Variants in DNAH17 observed in about 807,000 individuals in gnomAD.
DNAH17 encodes axonemal beta dynein heavy chain 17.
Under a neutral mutation model 485.6 loss-of-function variants are expected in DNAH17, and 376 were observed. The observed-to-expected ratio is 0.77, with a 90% CI of 0.71 to 0.84. The LOEUF is 0.84. DNAH17 is among the 40% of genes least tolerant of loss of function. The pLI, the probability that DNAH17 is intolerant of heterozygous loss-of-function variation, is 0.00. For missense variants in DNAH17, 6,370 were observed against 5,839.3 expected (o/e 1.09, Z -2.96); for synonymous variants, 3,031 against 2,405.9 (o/e 1.26, Z -7.60).
intron 54 of DNAH17, among the ~76,000 whole-genome samples, chr17:78,473,263 G>A (rs1421363650): frequency 6.6e-6 from 1 of 152,162 alleles, no homozygotes; most frequent in Non-Finnish European, 1.5e-5. Context: ...TGACAGTGAT[G>A]GCCGGGCGCA....
intron 58 of DNAH17, among the ~76,000 whole-genome samples, chr17:78,460,750 C>G (rs2088078410): frequency 6.6e-6 from 1 of 152,194 alleles, no homozygotes; most frequent in South Asian, 2.1e-4. Flanking sequence ...CCGGGGGCCA[C>G]TGAGACCGCC....
At chr17:78,515,508 C>CA (rs201728941) in intron 25 of DNAH17, among the ~76,000 whole-genome samples, 9,312 of 150,958 alleles carry the variant, frequency 0.062, 535 homozygotes, top group African/African-American at 0.14. Flanking sequence ...GACTCCATCT[C>CA]AAAAAAAATA....
chr17:78,459,070 T>G lies in DNAH17; in HGVS notation c.9792A>C (p.Ala3264=). The part of the protein sequence containing the change: ...VYCDVAPKRQ[A]LEEANAELAE... ...CCAGCTCTGCATTAGCCTCCTCCAG[T>G]GCCTGCCTCTTGGGCGCCACGTCGC... is the stretch of plus-strand genomic sequence containing the variant. The change falls in exon 61 of 81, where the codon GCA becomes GCC. Residue 3264 remains alanine, a synonymous_variant. Coordinates refer to ENST00000389840, the MANE Select transcript of DNAH17 (RefSeq NM_173628.4). 2.5e-6 allele frequency: 4 copies of G among 1,614,026 alleles called. No homozygotes were observed. In the South Asian group the frequency reaches 3.3e-5, roughly 13 times the overall value.
intron 75 of DNAH17, among the ~76,000 whole-genome samples, chr17:78,432,071 T>G (rs528169331): frequency 6.6e-6 from 1 of 152,056 alleles, no homozygotes; most frequent in Non-Finnish European, 1.5e-5. Flanking sequence ...CCCAGCTACT[T>G]GAGAGGCTGG....
In DNAH17 at chr17:78,574,622, C is replaced by G. The variant is rs1568279176; in HGVS notation, c.345+91G>C. 12 of 1,166,280 alleles carry G rather than the reference C, an allele frequency of 1.0e-5. No individual in the cohort carries two copies. The East Asian group carries it at 2.9e-4, about 28-fold the overall frequency. 72.2% of individuals were successfully genotyped at this position (1,166,280 alleles called of 1,614,324 possible). On this transcript the variant is annotated intron_variant, in intron 2 of 80. Coordinates refer to ENST00000389840, the MANE Select transcript of DNAH17 (RefSeq NM_173628.4). Reference sequence around the variant, plus strand: ...CCCGGCTCTGCAGCTGCTGCTGGCCCAGGGACTCCAGGCTGAGCAGCAGGA... The same window carrying G: ...CCCGGCTCTGCAGCTGCTGCTGGCCGAGGGACTCCAGGCTGAGCAGCAGGA...
At chr17:78,502,550 C>T (rs766783641) in intron 33 of DNAH17, 41 bp downstream of exon 33, 1 of 1,566,032 alleles carries the variant, frequency 6.4e-7, no homozygotes, top group Non-Finnish European at 8.7e-7. Context: ...GCTTTTTAAA[C>T]AAGTTTTAAA....
At chr17:78,462,721 C>T (rs2088198342) in intron 57 of DNAH17, 123 bp downstream of exon 57, 1 of 885,154 alleles carries the variant, frequency 1.1e-6, no homozygotes, top group Non-Finnish European at 1.7e-6. Context: ...GAAGCGTGCT[C>T]ATCTTACTTT....
At chr17:78,437,534 G>C in intron 74 of DNAH17, 107 bp downstream of exon 74, 1 of 741,020 alleles carries the variant, frequency 1.3e-6, no homozygotes. Flanking sequence ...CAGAGGGGAG[G>C]TGTCCCCAGA....
chr17:78,493,938 T>A (rs915957262), intron 41 of DNAH17, 98 bp downstream of exon 41: 75 of 1,459,334 alleles, frequency 5.1e-5, no homozygotes, highest in Non-Finnish European at 9.1e-6. Flanking sequence ...TGGGTTGGGG[T>A]CTCCGGGGTG....
intron 55 of DNAH17, among the ~76,000 whole-genome samples, chr17:78,467,460 G>A (rs972334212): frequency 1.3e-5 from 2 of 152,200 alleles, no homozygotes; most frequent in Admixed American, 1.3e-4. Flanking sequence ...GCACTGGCAG[G>A]GCACCAAAGA....
intron 22 of DNAH17, among the ~76,000 whole-genome samples, chr17:78,529,232 A>C (rs981662116): frequency 1.3e-5 from 2 of 151,896 alleles, no homozygotes; most frequent in Non-Finnish European, 2.9e-5. Context: ...GACATTTTTA[A>C]TCCAACAAAA....
intron 19 of DNAH17, among the ~76,000 whole-genome samples, chr17:78,535,826 T>C (rs1315034689): frequency 1.3e-5 from 2 of 152,238 alleles, no homozygotes; most frequent in African/African-American, 4.8e-5. Flanking sequence ...CATCCTTGGC[T>C]CATTGTGACA....
intron 54 of DNAH17, chr17:78,472,690 C>T (rs1022911610): frequency 3.5e-5 from 16 of 452,236 alleles, no homozygotes; most frequent in Middle Eastern, 3.2e-4. Flanking sequence ...GGACCCCAGC[C>T]GAGTCCCCGA....
At position 78,426,459 on chromosome 17, in the gene DNAH17, T is replaced by TG; in HGVS notation, c.12912dup (p.Arg4305GlnfsTer89). On this transcript the variant is annotated frameshift_variant, in exon 79 of 81. Coordinates refer to ENST00000389840, the MANE Select transcript of DNAH17 (RefSeq NM_173628.4). LOFTEE classifies it high-confidence loss of function. Reference sequence around the variant, plus strand: ...CTCTCAGAGAAAACGGCACTTACCCTGATGCGGAGCAGCAGGTCTGCGTAC... The same window carrying TG: ...CTCTCAGAGAAAACGGCACTTACCCTGGATGCGGAGCAGCAGGTCTGCGTAC... 1 of 1,598,994 alleles carries TG rather than the reference T, an allele frequency of 6.3e-7. No individual in the cohort carries two copies.
rs372388636 is a variant in DNAH17 at position 78,530,502 on chromosome 17, T to C, written c.3125A>G (p.Tyr1042Cys). The C allele has an allele frequency of 1.2e-5, 20 of 1,604,506 alleles. No individual in the cohort carries two copies. Among genetic ancestry groups the C allele is most frequent in the Non-Finnish European group, 8.5e-7 (1 of 1,173,108 alleles). ...LAQFQEQIDS[Y>C]EKLYEEVSKC... is the part of the protein sequence containing the mutation. ...GGACACCTCCTCATACAGCTTCTCG[T>C]AGGAGTCGATCTGGAAAACACGGCC... Residue 1042 changes from tyrosine to cysteine, a missense_variant, in exon 21 of 81, where the codon TAC (tyrosine) becomes TGC (cysteine). By Grantham distance (194) the Tyr-to-Cys change is radical. Transcript: ENST00000389840.
At chr17:78,563,353 T>TA (rs2092199128) in intron 11 of DNAH17, among the ~76,000 whole-genome samples, 1 of 152,108 alleles carries the variant, frequency 6.6e-6, no homozygotes, top group African/African-American at 2.4e-5. Flanking sequence ...TGCTGACGTA[T>TA]GAGGTCACCA....
chr17:78,437,664 T>TGTGCAAGTTGGC lies in DNAH17; in HGVS notation c.11998_12009dup (p.Ala4000_His4003dup), dbSNP rs2086894047. 1.2e-6 allele frequency: 2 copies of TGTGCAAGTTGGC among 1,610,602 alleles called. No homozygotes were observed. The highest frequency in any genetic ancestry group is 1.7e-6 in the Non-Finnish European group (2 of 1,178,734). On this transcript the variant is annotated inframe_insertion, in exon 74 of 81. Transcript: ENST00000389840. ...ACCTGGGTGAACAGGTCCAGGGCCT[T>TGTGCAAGTTGGC]GTGCAAGTTGGCGTGCATGCCCGTG...
chr17:78,444,488 GA>G (rs2087196938), intron 71 of DNAH17, 115 bp downstream of exon 71: 1 of 1,032,924 alleles, frequency 9.7e-7, no homozygotes, highest in Admixed American at 3.2e-5. Flanking sequence ...ATGGGGAGAA[GA>G]AAAAAGTTCA....
rs1013805774 is a variant in DNAH17 at position 78,485,776 on chromosome 17, G to C, written c.7276-19C>G. ...AAGAGGCCTGGGGCAGGGGAGGGAAGGGGAGGGAGCTGTGATTCTCAGACA... is the reference window on the plus strand; with the variant it reads ...AAGAGGCCTGGGGCAGGGGAGGGAACGGGAGGGAGCTGTGATTCTCAGACA... On this transcript the variant is annotated intron_variant, in intron 46 of 80. Transcript: ENST00000389840. The C allele has an allele frequency of 6.2e-7, 1 of 1,611,422 alleles. No homozygotes were observed. Among genetic ancestry groups the C allele is most frequent in the Non-Finnish European group, 8.5e-7 (1 of 1,178,112 alleles).
Sources: allele counts gnomAD v4.1 joint callset (sites outside exome capture counted in the v4.1 genomes callset), GRCh38; gene constraint gnomAD v4.1.1; transcripts MANE v1.5; gene names NCBI Gene and HGNC (gene_info 2026-07-23, HGNC 2026-07-21).